The following VPS13D variants were observed in gnomAD, a reference collection of about 807,000 sequenced individuals.
The protein encoded by VPS13D is intermembrane lipid transfer protein VPS13D.
In VPS13D, 187 loss-of-function variants were observed where a neutral mutation model predicts 461.9. The ratio of observed to expected loss-of-function variants is 0.40; its 90% CI spans 0.36 to 0.46. The LOEUF is 0.46. Ranked by LOEUF, VPS13D falls within the 20% of genes least tolerant of loss-of-function variation. The pLI is 0.60. For missense variants in VPS13D, 4,711 were observed against 5,364.9 expected (o/e 0.88, Z 3.81); for synonymous variants, 1,951 against 1,986.3 (o/e 0.98, Z 0.47).
chr1:12,271,144 C>T lies in VPS13D; in HGVS notation c.2103+20C>T. The T allele has an allele frequency of 6.2e-7, 1 of 1,613,776 alleles. No individual in the cohort carries two copies. The highest frequency in any genetic ancestry group is 1.1e-5 in the South Asian group (1 of 91,058). On this transcript the variant is annotated intron_variant, in intron 17 of 69. Coordinates refer to ENST00000620676, the MANE Select transcript of VPS13D (RefSeq NM_015378.4). ...TTCATTGTAAGTGGGCATCCATAAA[C>T]ACTCTTTGGGGATTGGGGAAGGGGC...
At chr1:12,421,165 G>T (rs912246697) in intron 65 of VPS13D, among the ~76,000 whole-genome samples, 18 of 152,202 alleles carry the variant, frequency 1.2e-4, no homozygotes, top group African/African-American at 4.1e-4. Context: ...TCAGCATATG[G>T]ATTCAAATGT....
In VPS13D at chr1:12,502,856, G is replaced by T. The variant is rs1043853887; in HGVS notation, c.12795-3997G>T. Among the ~76,000 whole-genome samples the T allele has an allele frequency of 1.3e-5, 2 of 152,258 alleles. No individual in the cohort carries two copies. The highest frequency in any genetic ancestry group is 2.9e-5 in the Non-Finnish European group (2 of 68,024). ...AACTGGGCACCTGTTCTCAACAGAAGAGCTACCATTAACTGCGGATCTCTT... is the reference window on the plus strand; with the variant it reads ...AACTGGGCACCTGTTCTCAACAGAATAGCTACCATTAACTGCGGATCTCTT... On this transcript the variant is annotated intron_variant, in intron 68 of 69. Transcript: ENST00000620676. This position sits in a 1 kb window ranked among gnomAD's most constrained non-coding sequence, Gnocchi z 4.3.
intron 40 of VPS13D, among the ~76,000 whole-genome samples, chr1:12,340,466 A>C (rs186673605): frequency 7.9e-5 from 12 of 152,326 alleles, no homozygotes; most frequent in Non-Finnish European, 1.6e-4. Flanking sequence ...TAAAAGAGGT[A>C]AGAGAAAAAA....
chr1:12,351,258 C>T (rs1375088206), intron 46 of VPS13D, among the ~76,000 whole-genome samples: 1 of 152,130 alleles, frequency 6.6e-6, no homozygotes, highest in Non-Finnish European at 1.5e-5. Context: ...CCAGTGTTCC[C>T]CATGAAGAGG....
chr1:12,315,547 C>T (rs1238895160), intron 30 of VPS13D, among the ~76,000 whole-genome samples: 1 of 152,148 alleles, frequency 6.6e-6, no homozygotes, highest in African/African-American at 2.4e-5. Context: ...TGACTTCTTC[C>T]TCATTTTGCA....
In VPS13D at chr1:12,507,211, AGG is replaced by A; in HGVS notation, c.13035+119_13035+120del. On this transcript the variant is annotated intron_variant, in intron 69 of 69. Transcript: ENST00000620676. The surrounding 1 kb of genome is among the most constrained non-coding windows in gnomAD (Gnocchi z 5.3). ...AGGAGGTTGAGGCTGGGCCCTTCCC[AGG>A]AGTGCTGCCTCTCAGTCCTGAACAT... is the stretch of plus-strand genomic sequence containing the variant. 6.4e-7 allele frequency: 1 copy of A among 1,566,230 alleles called. No individual in the cohort carries two copies. Among genetic ancestry groups the A allele is most frequent in the Non-Finnish European group, 8.7e-7 (1 of 1,144,918 alleles).
rs373225343 is a variant in VPS13D, at chr1:12,283,751, C to T, written c.5634+15C>T. On this transcript the variant is annotated intron_variant, in intron 21 of 69. Transcript: ENST00000620676. ...TGGATCTCAAGGTATCCTCAGTTCCCTTTGGCTCCCTTAAGCTCTAAAAAT... is the reference window on the plus strand; with the variant it reads ...TGGATCTCAAGGTATCCTCAGTTCCTTTTGGCTCCCTTAAGCTCTAAAAAT... 3.5e-5 allele frequency: 56 copies of T among 1,595,610 alleles called. No homozygotes were observed. Among genetic ancestry groups the T allele is most frequent in the Non-Finnish European group, 4.6e-5 (54 of 1,169,832 alleles).
In VPS13D at chr1:12,497,490, A is replaced by G. The variant is rs2100542658; in HGVS notation, c.12663-10A>G. On this transcript the variant is annotated splice_polypyrimidine_tract_variant and intron_variant, in intron 67 of 69. Transcript: ENST00000620676. ...TAACCTCTTGGCTTTATGTCCATTT[A>G]CCCATCTAGGACTCAAGCACAGAGG... is the stretch of plus-strand genomic sequence containing the variant. 1.2e-6 allele frequency: 2 copies of G among 1,607,510 alleles called. No individual in the cohort carries two copies. The highest frequency in any genetic ancestry group is 3.3e-4 in the Middle Eastern group (2 of 6,038).
Position 12,422,162 on chromosome 1 carries a change from A to G in VPS13D, c.12333+5335A>G, listed in dbSNP as rs143417368. On this transcript the variant is annotated intron_variant, in intron 65 of 69. Coordinates refer to ENST00000620676, the MANE Select transcript of VPS13D (RefSeq NM_015378.4). ...TTCAGTATGTCTTTATCAAGTCAATATAGGATGCTTTTGATTCTGGGTACC... is the reference window on the plus strand; with the variant it reads ...TTCAGTATGTCTTTATCAAGTCAATGTAGGATGCTTTTGATTCTGGGTACC... 3.4e-3 allele frequency among the ~76,000 whole-genome samples: 523 copies of G among 152,216 alleles called. 1 individual carries two copies. Among genetic ancestry groups the G allele is most frequent in the Non-Finnish European group, 4.8e-3 (329 of 68,014 alleles).
At chr1:12,427,785 G>A (rs1041907547) in intron 65 of VPS13D, among the ~76,000 whole-genome samples, 1 of 152,164 alleles carries the variant, frequency 6.6e-6, no homozygotes, top group Admixed American at 6.5e-5. Flanking sequence ...TGATACTGCA[G>A]GTTAAGATTC....
At chr1:12,294,348 T>C (rs1642215461) in intron 24 of VPS13D, among the ~76,000 whole-genome samples, 1 of 152,238 alleles carries the variant, frequency 6.6e-6, no homozygotes, top group Admixed American at 6.5e-5. Flanking sequence ...CCTGTCCACA[T>C]TTATCTTCTT....
intron 65 of VPS13D, among the ~76,000 whole-genome samples, chr1:12,452,824 G>T (rs1645279454): frequency 6.6e-6 from 1 of 152,310 alleles, no homozygotes; most frequent in Admixed American, 6.5e-5. Context: ...AGTTTTCTGG[G>T]TTCTCAAAGC....
chr1:12,367,106 G>A (rs1488364395), intron 52 of VPS13D, among the ~76,000 whole-genome samples: 1 of 152,128 alleles, frequency 6.6e-6, no homozygotes, highest in African/African-American at 2.4e-5. Flanking sequence ...GTTGCCACGT[G>A]TATTCTCTTG....
At chr1:12,368,836 A>T (rs1054214028) in intron 53 of VPS13D, among the ~76,000 whole-genome samples, 1 of 152,120 alleles carries the variant, frequency 6.6e-6, no homozygotes, top group African/African-American at 2.4e-5. Context: ...AGATTTATTT[A>T]TTTTGGCTAG....
chr1:12,331,570 G>A (rs985005980), intron 37 of VPS13D, among the ~76,000 whole-genome samples: 1 of 151,704 alleles, frequency 6.6e-6, no homozygotes, highest in Non-Finnish European at 1.5e-5. Context: ...AAATTAGCCG[G>A]GCGTGGTGGT....
intron 3 of VPS13D, among the ~76,000 whole-genome samples, chr1:12,243,837 C>G (rs889709974): frequency 6.6e-6 from 1 of 152,138 alleles, no homozygotes; most frequent in African/African-American, 2.4e-5. Flanking sequence ...TATCATAGGT[C>G]TGATGACTCC....
rs192112259 is a variant in VPS13D at position 12,279,153 on chromosome 1, C to T, written c.4451-346C>T. ...GAAAGCTAGGTAAGGATGAATAATT[C>T]GGTTTGGAAAATGCCAGCTTGGGTG... On this transcript the variant is annotated intron_variant, in intron 19 of 69. Transcript: ENST00000620676. This position sits in a 1 kb window ranked among gnomAD's most constrained non-coding sequence, Gnocchi z 4.3. Among the ~76,000 whole-genome samples the T allele has an allele frequency of 1.4e-3, 215 of 152,256 alleles. 4 individuals carry two copies. The highest frequency in any genetic ancestry group is 5.0e-3 in the African/African-American group (208 of 41,544).
chr1:12,470,461 C>A (rs949403378), intron 67 of VPS13D, among the ~76,000 whole-genome samples: 4 of 152,148 alleles, frequency 2.6e-5, no homozygotes, highest in Non-Finnish European at 5.9e-5. Flanking sequence ...AAGTGTGTTT[C>A]TATTTTTGTT....
At position 12,378,528 on chromosome 1, in the gene VPS13D, C is replaced by G. The variant is rs1275448480; in HGVS notation, c.11018C>G (p.Ala3673Gly). 6.2e-7 allele frequency: 1 copy of G among 1,611,736 alleles called. No individual in the cohort carries two copies. The highest frequency in any genetic ancestry group is 1.3e-5 in the African/African-American group (1 of 74,746). ...VPHNPNKPSA[A>G]RSTEGSAILD... ...CACAATCCCAATAAGCCCTCAGCCGCCCGCTCCACCGAGGGGTCTGCCATC... is the reference window on the plus strand; with the variant it reads ...CACAATCCCAATAAGCCCTCAGCCGGCCGCTCCACCGAGGGGTCTGCCATC... Residue 3673 changes from alanine (A) to glycine (G), a missense_variant, in exon 56 of 70, where the codon GCC (alanine) becomes GGC (glycine). Transcript: ENST00000620676.
Sources: allele counts gnomAD v4.1 joint callset (sites outside exome capture counted in the v4.1 genomes callset), GRCh38; gene constraint gnomAD v4.1.1; non-coding constraint Gnocchi (gnomAD v3.1); transcripts MANE v1.5; gene names NCBI Gene and HGNC (gene_info 2026-07-23, HGNC 2026-07-21).